Variants in ULK4 observed in about 807,000 individuals in gnomAD.
ULK4 encodes inactive serine/threonine-protein kinase ULK4.
ULK4 carries 133 observed loss-of-function variants against 160.6 expected under a neutral mutation model. The observed-to-expected ratio is 0.83, with a 90% CI of 0.72 to 0.96. The LOEUF (loss-of-function observed/expected upper bound fraction) is 0.96, where lower values mean the gene tolerates loss of function less well. Ranked by LOEUF, ULK4 falls within the 40% of genes least tolerant of loss-of-function variation. The probability of loss-of-function intolerance (pLI) is 0.00; values close to 1 mark genes in which losing one functional copy is unlikely to be tolerated. For synonymous variants in ULK4, 534 were observed against 539.8 expected (o/e 0.99, Z 0.15); for missense variants, 1,580 against 1,499.5 (o/e 1.05, Z -0.89).
intron 35 of ULK4, among the ~76,000 whole-genome samples, chr3:41,255,409 G>A (rs1448763902): frequency 6.6e-6 from 1 of 152,180 alleles, no homozygotes; most frequent in Non-Finnish European, 1.5e-5. Context: ...CTTGAACCCG[G>A]GAGGCGGAGG....
At chr3:41,664,710 T>C (rs1005551927) in intron 29 of ULK4, among the ~76,000 whole-genome samples, 1 of 152,218 alleles carries the variant, frequency 6.6e-6, no homozygotes, top group Non-Finnish European at 1.5e-5. Flanking sequence ...TCTAGCCAAT[T>C]ACAATATTTT....
intron 35 of ULK4, among the ~76,000 whole-genome samples, chr3:41,264,883 G>A (rs1380989908): frequency 1.3e-5 from 2 of 152,170 alleles, no homozygotes; most frequent in Non-Finnish European, 2.9e-5. Context: ...TGTAATTTCT[G>A]CCCTTAATAA....
At chr3:41,828,494 A>T (rs867576605) in intron 18 of ULK4, among the ~76,000 whole-genome samples, 9 of 125,034 alleles carry the variant, frequency 7.2e-5, no homozygotes, top group South Asian at 2.4e-4. Flanking sequence ...AAGCATTCTT[A>T]TACACCAATA....
intron 25 of ULK4, among the ~76,000 whole-genome samples, chr3:41,710,147 TATTA>T (rs1350796184): frequency 1.2e-4 from 19 of 152,320 alleles, no homozygotes; most frequent in Non-Finnish European, 1.8e-4. Flanking sequence ...CTGAAATTAT[TATTA>T]ATTATTTATT....
chr3:41,929,168 GATGCAAGGCTGGT>G (rs2148820263), intron 5 of ULK4, among the ~76,000 whole-genome samples: 1 of 152,248 alleles, frequency 6.6e-6, no homozygotes, highest in East Asian at 1.9e-4. Flanking sequence ...TCATCCCTGG[GATGCAAGGCTGGT>G]TCAACATACA....
chr3:41,418,805 C>T (rs2082592267), intron 34 of ULK4, among the ~76,000 whole-genome samples: 1 of 152,200 alleles, frequency 6.6e-6, no homozygotes, highest in Non-Finnish European at 1.5e-5. Context: ...GCTAAAGGAA[C>T]AGGTGGACCA....
chr3:41,874,236 G>A (rs535130029), intron 17 of ULK4, among the ~76,000 whole-genome samples: 47 of 152,240 alleles, frequency 3.1e-4, no homozygotes, highest in African/African-American at 1.1e-3. Flanking sequence ...GTGCAATCGT[G>A]CATCTTAATA....
chr3:41,368,641 G>T (rs754019971), intron 35 of ULK4, among the ~76,000 whole-genome samples: 1 of 152,108 alleles, frequency 6.6e-6, no homozygotes, highest in Non-Finnish European at 1.5e-5. Context: ...CACACATCAT[G>T]TGGTGCTTTG....
intron 2 of ULK4, among the ~76,000 whole-genome samples, chr3:41,940,196 C>G (rs1328926620): frequency 6.6e-6 from 1 of 152,204 alleles, no homozygotes; most frequent in Admixed American, 6.5e-5. Context: ...AAGCGCCAGG[C>G]CCCTCATTCA....
intron 31 of ULK4, among the ~76,000 whole-genome samples, chr3:41,604,148 T>G (rs955547329): frequency 6.6e-6 from 1 of 151,972 alleles, no homozygotes; most frequent in African/African-American, 2.4e-5. Context: ...GCAAAGGTCC[T>G]CAGGTAGGAA....
At chr3:41,305,871 C>G (rs1282937295) in intron 35 of ULK4, among the ~76,000 whole-genome samples, 1 of 147,550 alleles carries the variant, frequency 6.8e-6, no homozygotes, top group Non-Finnish European at 1.5e-5. Flanking sequence ...TCTGCCCCCC[C>G]GCCCCGTCTG....
chr3:41,928,313 A>G (rs1444521008), intron 5 of ULK4, among the ~76,000 whole-genome samples: 1 of 152,234 alleles, frequency 6.6e-6, no homozygotes, highest in Non-Finnish European at 1.5e-5. Context: ...GAGAACAAAG[A>G]TACAATGTAC....
intron 1 of ULK4, among the ~76,000 whole-genome samples, chr3:41,957,240 G>A (rs1700512530): frequency 6.6e-6 from 1 of 151,832 alleles, no homozygotes; most frequent in Non-Finnish European, 1.5e-5. Flanking sequence ...GATCGCCTGA[G>A]GTCAGGAGTT....
At chr3:41,866,939 G>T (rs534037120) in intron 17 of ULK4, among the ~76,000 whole-genome samples, 1 of 152,128 alleles carries the variant, frequency 6.6e-6, no homozygotes, top group Admixed American at 6.5e-5. Flanking sequence ...GACTCATATT[G>T]CTATCTCCCA....
At chr3:41,847,090 A>G (rs59223622) in intron 17 of ULK4, among the ~76,000 whole-genome samples, 11,204 of 152,084 alleles carry the variant, frequency 0.074, 1,306 homozygotes, top group African/African-American at 0.25. Context: ...TACTTCTTTG[A>G]AATCAAAACC....
intron 32 of ULK4, among the ~76,000 whole-genome samples, chr3:41,501,511 C>G (rs1264440709): frequency 1.3e-5 from 2 of 151,876 alleles, no homozygotes; most frequent in Admixed American, 6.6e-5. Context: ...ACAAACAAAA[C>G]AAAACAAAAA....
At chr3:41,773,296 T>A (rs1051381105) in intron 21 of ULK4, among the ~76,000 whole-genome samples, 22 of 152,202 alleles carry the variant, frequency 1.4e-4, no homozygotes, top group African/African-American at 4.8e-4. Flanking sequence ...TGTTTGCAGA[T>A]GACTTGACTG....
intron 35 of ULK4, among the ~76,000 whole-genome samples, chr3:41,289,473 A>G (rs1011599456): frequency 6.6e-6 from 1 of 152,248 alleles, no homozygotes; most frequent in Non-Finnish European, 1.5e-5. Flanking sequence ...AGCATTATTG[A>G]AAATATCCAC....
At chr3:41,585,779 G>T (rs1182209518) in intron 31 of ULK4, among the ~76,000 whole-genome samples, 2 of 151,920 alleles carry the variant, frequency 1.3e-5, no homozygotes, top group African/African-American at 4.8e-5. Context: ...TCTGATGAGG[G>T]GTTACTATCT....
Sources: allele counts gnomAD v4.1 joint callset (sites outside exome capture counted in the v4.1 genomes callset), GRCh38; gene constraint gnomAD v4.1.1; transcripts MANE v1.5; gene names NCBI Gene and HGNC (gene_info 2026-07-23, HGNC 2026-07-21).